Variants in WWOX observed in about 807,000 individuals in gnomAD.
WWOX encodes WW domain-containing oxidoreductase.
WWOX carries 69 observed loss-of-function variants against 46.2 expected under a neutral mutation model. The ratio of observed to expected loss-of-function variants is 1.49; its 90% CI spans 1.23 to 1.82. The LOEUF is 1.82. WWOX is among the 40% of genes most tolerant of loss of function. The pLI is 0.00. For missense variants in WWOX, 919 were observed against 542.6 expected (o/e 1.69, Z -6.89); for synonymous variants, 359 against 202.6 (o/e 1.77, Z -6.56).
At chr16:79,081,656 C>T (rs999866642) in intron 8 of WWOX, among the ~76,000 whole-genome samples, 2 of 152,112 alleles carry the variant, frequency 1.3e-5, no homozygotes, top group Non-Finnish European at 1.5e-5. Context: ...TTGAGTGAGA[C>T]CCGTATCAAT....
chr16:79,209,409 T>G (rs1349844562), intron 8 of WWOX, among the ~76,000 whole-genome samples: 1 of 152,214 alleles, frequency 6.6e-6, no homozygotes, highest in Non-Finnish European at 1.5e-5. Flanking sequence ...GCTTTTTGCT[T>G]TCCCAAACGG....
chr16:78,323,637 T>C (rs534059232), intron 5 of WWOX, among the ~76,000 whole-genome samples: 78 of 152,306 alleles, frequency 5.1e-4, no homozygotes, highest in African/African-American at 1.7e-3. Context: ...CTGTGGACTT[T>C]ACTTTTCACG....
chr16:79,038,892 A>T (rs1412313583), intron 8 of WWOX, among the ~76,000 whole-genome samples: 1 of 152,224 alleles, frequency 6.6e-6, no homozygotes, highest in Non-Finnish European at 1.5e-5. Flanking sequence ...TTTTAAAAAG[A>T]TGTAAAGCAT....
intron 8 of WWOX, chr16:78,691,182 G>C: frequency 1.4e-6 from 1 of 699,838 alleles, no homozygotes; most frequent in South Asian, 1.5e-5. Flanking sequence ...TGCGATAAGA[G>C]AATAGATGTA....
chr16:78,108,402 G>C, intron 1 of WWOX, 21 bp from the exon 2 acceptor site: 1 of 1,597,966 alleles, frequency 6.3e-7, no homozygotes, highest in Non-Finnish European at 8.6e-7. Context: ...TTATTACTGT[G>C]GATTTTTTGT....
intron 8 of WWOX, among the ~76,000 whole-genome samples, chr16:78,482,235 A>G (rs1048176916): frequency 6.6e-6 from 1 of 151,782 alleles, no homozygotes; most frequent in Admixed American, 6.6e-5. Context: ...TAACTCCATA[A>G]TTTTTTTTAT....
At chr16:78,457,909 C>CAA (rs57956003) in intron 8 of WWOX, among the ~76,000 whole-genome samples, 75 of 86,980 alleles carry the variant, frequency 8.6e-4, no homozygotes, top group South Asian at 1.4e-3. Flanking sequence ...GACTCTGACT[C>CAA]AAAAAAAAAA....
intron 8 of WWOX, among the ~76,000 whole-genome samples, chr16:79,070,661 C>T (rs1011000846): frequency 2.6e-5 from 4 of 152,072 alleles, no homozygotes; most frequent in African/African-American, 9.7e-5. Flanking sequence ...AGAGGGTATG[C>T]GAGAGATGTC....
At chr16:78,158,215 G>C (rs2034668685) in intron 4 of WWOX, among the ~76,000 whole-genome samples, 1 of 152,216 alleles carries the variant, frequency 6.6e-6, no homozygotes, top group African/African-American at 2.4e-5. Context: ...TTCACATGGT[G>C]ATGTCAGGAA....
chr16:79,004,056 C>T (rs1441317540), intron 8 of WWOX: 3 of 152,118 alleles, frequency 2.0e-5, no homozygotes, highest in African/African-American at 4.8e-5. Context: ...CCATGCCTTC[C>T]CAGTCTCTGG....
chr16:78,736,232 C>G (rs1325191181), intron 8 of WWOX, among the ~76,000 whole-genome samples: 2 of 152,166 alleles, frequency 1.3e-5, no homozygotes, highest in Non-Finnish European at 2.9e-5. Context: ...CAAACTTGAC[C>G]CGCTTGAGGC....
At chr16:79,012,077 C>T (rs367811220) in intron 8 of WWOX, among the ~76,000 whole-genome samples, 2 of 152,256 alleles carry the variant, frequency 1.3e-5, no homozygotes, top group South Asian at 2.1e-4. Flanking sequence ...ACAGTGGAAG[C>T]GTGGACACTG....
chr16:78,849,673 A>T (rs577126888), intron 8 of WWOX, among the ~76,000 whole-genome samples: 2 of 152,142 alleles, frequency 1.3e-5, no homozygotes, highest in Admixed American at 1.3e-4. Context: ...GACAAAACAC[A>T]GTATGGTTGT....
chr16:78,725,223 A>G (rs1567517413), intron 8 of WWOX, among the ~76,000 whole-genome samples: 3 of 151,656 alleles, frequency 2.0e-5, no homozygotes, highest in Admixed American at 6.6e-5. Context: ...TTCGCTTTGC[A>G]CTATGATTGT....
At chr16:79,042,296 G>A (rs996544268) in intron 8 of WWOX, among the ~76,000 whole-genome samples, 12 of 152,170 alleles carry the variant, frequency 7.9e-5, no homozygotes, top group Admixed American at 7.9e-4. Flanking sequence ...GTCATGGGTG[G>A]AAACATGCAC....
rs924337443 is a variant in WWOX, at chr16:78,137,933, CACAA to C, written c.409+22783_409+22786del. Among the ~76,000 whole-genome samples, 279 of 150,862 alleles carry C rather than the reference CACAA, an allele frequency of 1.8e-3. 11 individuals are homozygous for C. The highest frequency in any genetic ancestry group is 6.3e-3 in the African/African-American group (258 of 40,916). ...AATCTTATCCATAGTGTGTGGATAT[CACAA>C]ACAGCACAAGAGGAAGTGAAAGGAA... On this transcript the variant is annotated intron_variant, in intron 4 of 8. Transcript: ENST00000566780.
At chr16:78,255,679 A>T (rs2038109984) in intron 5 of WWOX, among the ~76,000 whole-genome samples, 1 of 152,210 alleles carries the variant, frequency 6.6e-6, no homozygotes, top group Non-Finnish European at 1.5e-5. Flanking sequence ...AGACACACCC[A>T]AGTAGAACAC....
chr16:78,914,154 A>G lies in WWOX; in HGVS notation c.1057-297454A>G, dbSNP rs148129442. On this transcript the variant is annotated intron_variant, in intron 8 of 8. Transcript: ENST00000566780. ...GCTATCCTGTCCAAAGTCACTACTC[A>G]CAATTTCTCTATCCCATAACTCTAT... Among the ~76,000 whole-genome samples the G allele has an allele frequency of 7.9e-3, 1,202 of 152,164 alleles. 13 individuals carry two copies. The highest frequency in any genetic ancestry group is 0.028 in the African/African-American group (1,153 of 41,542).
At chr16:78,714,637 T>C (rs1400159476) in intron 8 of WWOX, among the ~76,000 whole-genome samples, 1 of 152,054 alleles carries the variant, frequency 6.6e-6, no homozygotes, top group African/African-American at 2.4e-5. Context: ...AAGCAGAGTG[T>C]CCCAGGCGGA....
Sources: allele counts gnomAD v4.1 joint callset (sites outside exome capture counted in the v4.1 genomes callset), GRCh38; gene constraint gnomAD v4.1.1; transcripts MANE v1.5; gene names NCBI Gene and HGNC (gene_info 2026-07-23, HGNC 2026-07-21).